The following PCDHA5 variants were observed in gnomAD, a reference collection of about 807,000 sequenced individuals.
PCDHA5 encodes the protein protocadherin alpha 5, also known as protocadherin alpha-5.
Under a neutral mutation model 61.6 loss-of-function variants are expected in PCDHA5, and 43 were observed. The observed-to-expected ratio is 0.70, with a 90% confidence interval of 0.55 to 0.90. The LOEUF (loss-of-function observed/expected upper bound fraction) is 0.90, where lower values mean the gene tolerates loss of function less well. Ranked by LOEUF, PCDHA5 falls within the 40% of genes least tolerant of loss-of-function variation. PCDHA5 has a pLI of 0.00. For synonymous variants in PCDHA5, 627 were observed against 543.9 expected (o/e 1.15, Z -2.13); for missense variants, 1,298 against 1,222.7 (o/e 1.06, Z -0.92).
intron 1 of PCDHA5, chr5:140,882,939 G>T: frequency 2.5e-6 from 4 of 1,614,164 alleles, no homozygotes; most frequent in Non-Finnish European, 3.4e-6. Context: ...GAGCTGACTG[G>T]CACAGTTCAG....
chr5:140,839,670 T>C (rs1776356207), intron 1 of PCDHA5, among the ~76,000 whole-genome samples: 1 of 152,026 alleles, frequency 6.6e-6, no homozygotes, highest in Non-Finnish European at 1.5e-5. Flanking sequence ...CTATTTAGAG[T>C]CAACTACAGA....
At chr5:140,984,597 T>TA (rs1554246418) in intron 3 of PCDHA5, among the ~76,000 whole-genome samples, 1 of 152,182 alleles carries the variant, frequency 6.6e-6, no homozygotes, top group East Asian at 1.9e-4. Flanking sequence ...TTTCAATACA[T>TA]ACCTCTGCAT....
chr5:140,968,221 T>C, intron 1 of PCDHA5: 1 of 1,613,918 alleles, frequency 6.2e-7, no homozygotes, highest in Admixed American at 1.7e-5. Context: ...ATTTGCCAGG[T>C]GTGTTGCTCT....
intron 1 of PCDHA5, among the ~76,000 whole-genome samples, chr5:140,941,192 TTTCTTTCTTCC>T (rs1330855559): frequency 1.0e-5 from 1 of 99,660 alleles, no homozygotes; most frequent in Non-Finnish European, 2.1e-5. Flanking sequence ...CTTCTTTTTT[TTTCTTTCTTCC>T]TTTCTTTCTT....
At chr5:140,877,845 TTATTAA>T in intron 1 of PCDHA5, 3 of 1,555,618 alleles carry the variant, frequency 1.9e-6, no homozygotes, top group Non-Finnish European at 2.6e-6. Context: ...GTGAAGTAAG[TTATTAA>T]TATTATTTAG....
intron 1 of PCDHA5, among the ~76,000 whole-genome samples, chr5:140,886,063 G>A (rs547299842): frequency 3.3e-5 from 5 of 152,172 alleles, no homozygotes; most frequent in East Asian, 1.9e-4. Flanking sequence ...TTACAAAAGC[G>A]TAGGGCCATA....
Position 140,895,882 on chromosome 5 carries a change from G to C in PCDHA5, c.2352+71755G>C, listed in dbSNP as rs1014874596. Among the ~76,000 whole-genome samples the C allele has an allele frequency of 5.3e-5, 8 of 152,250 alleles. No individual in the cohort carries two copies. The East Asian group carries it at 9.6e-4, about 18-fold the overall frequency. On this transcript the variant is annotated intron_variant, in intron 1 of 3. Coordinates refer to ENST00000529859, the MANE Select transcript of PCDHA5 (RefSeq NM_018908.3). ...GCTGGAGTGCAATGGCGCGATCTCGGCTCACTGCAACCTCCGCGTCCCGGG... is the reference window on the plus strand; with the variant it reads ...GCTGGAGTGCAATGGCGCGATCTCGCCTCACTGCAACCTCCGCGTCCCGGG...
At chr5:140,927,133 G>A (rs2083881073) in intron 1 of PCDHA5, 16 of 1,613,984 alleles carry the variant, frequency 9.9e-6, no homozygotes, top group Non-Finnish European at 1.4e-5. Context: ...CAGAGAGCCG[G>A]CGGACCGCGA....
At chr5:140,926,441 A>T (rs1476576189) in intron 1 of PCDHA5, 1 of 154,800 alleles carries the variant, frequency 6.5e-6, no homozygotes, top group Non-Finnish European at 1.4e-5. Context: ...AGATCTGGGC[A>T]GCCTCAGGGC....
intron 1 of PCDHA5, among the ~76,000 whole-genome samples, chr5:140,952,427 C>T (rs2094744253): frequency 6.6e-6 from 1 of 152,162 alleles, no homozygotes; most frequent in African/African-American, 2.4e-5. Flanking sequence ...CAGATTCCTA[C>T]AGCACAGGCA....
At chr5:140,988,805 C>T (rs782160959) in intron 3 of PCDHA5, 8 of 152,232 alleles carry the variant, frequency 5.3e-5, no homozygotes, top group African/African-American at 1.4e-4. Context: ...GAATTTCTTC[C>T]GTAACAGTAG....
chr5:140,988,363 C>T (rs782342714), intron 3 of PCDHA5, among the ~76,000 whole-genome samples: 25 of 152,132 alleles, frequency 1.6e-4, no homozygotes, highest in Admixed American at 4.6e-4. Context: ...CTTTTACTTT[C>T]TGGGGTTGTG....
At chr5:141,000,421 ATTT>A (rs34755515) in intron 3 of PCDHA5, among the ~76,000 whole-genome samples, 361 of 27,888 alleles carry the variant, frequency 0.013, no homozygotes, top group East Asian at 0.018. Context: ...ATATATATAT[ATTT>A]TTTTTTTTTT....
Position 140,931,736 on chromosome 5 carries a change from G to T in PCDHA5, c.2353-47213G>T, listed in dbSNP as rs550065133. On this transcript the variant is annotated intron_variant, in intron 1 of 3. Transcript: ENST00000529859. ...TAACTTCTATAAATATGGGGTATTT[G>T]TAATTCACAAAGGCATTTGTTATTT... is the stretch of plus-strand genomic sequence containing the variant. Among the ~76,000 whole-genome samples, 307 of 152,008 alleles carry T rather than the reference G, an allele frequency of 2.0e-3. 3 individuals carry two copies. The highest frequency in any genetic ancestry group is 7.2e-3 in the African/African-American group (300 of 41,524).
Position 140,821,907 on chromosome 5 carries a change from T to C in PCDHA5, c.132T>C (p.Val44=). The change falls in exon 1 of 4, where the codon GTT becomes GTC. Residue 44 remains valine (V), a synonymous_variant. Coordinates refer to ENST00000529859, the MANE Select transcript of PCDHA5 (RefSeq NM_018908.3). ...IPEEAKHGTF[V]GRIAQDLGLE... is the part of the protein sequence containing the mutation. ...AGGAAGCCAAACACGGAACCTTCGT[T>C]GGCCGCATCGCGCAGGACCTAGGGC... 6.2e-7 allele frequency: 1 copy of C among 1,614,212 alleles called. No homozygotes were observed. Among genetic ancestry groups the C allele is most frequent in the Non-Finnish European group, 8.5e-7 (1 of 1,180,036 alleles).
chr5:140,897,289 C>T (rs1027792864), intron 1 of PCDHA5, among the ~76,000 whole-genome samples: 2 of 150,912 alleles, frequency 1.3e-5, no homozygotes, highest in Non-Finnish European at 3.0e-5. Flanking sequence ...CCCATTAACT[C>T]GTCATTTAGC....
intron 3 of PCDHA5, among the ~76,000 whole-genome samples, chr5:140,993,365 A>G (rs1207264244): frequency 1.3e-5 from 2 of 151,422 alleles, no homozygotes; most frequent in Admixed American, 6.6e-5. Flanking sequence ...CACAAAAACT[A>G]CCTCCCAGCC....
intron 1 of PCDHA5, among the ~76,000 whole-genome samples, chr5:140,924,252 G>C (rs1306870811): frequency 1.3e-5 from 2 of 152,214 alleles, no homozygotes; most frequent in African/African-American, 4.8e-5. Flanking sequence ...ATCCTGGTGA[G>C]ATCTAATGAG....
chr5:140,846,112 TTAC>T (rs1780203711), intron 1 of PCDHA5, among the ~76,000 whole-genome samples: 1 of 149,772 alleles, frequency 6.7e-6, no homozygotes. Context: ...GTAGACTATC[TTAC>T]TTTGATAGTT....
Sources: gnomAD v4.1 joint callset for allele counts (sites outside exome capture counted in the v4.1 genomes callset) on GRCh38, gnomAD v4.1.1 for gene constraint, MANE v1.5 for transcripts, NCBI Gene and HGNC (gene_info 2026-07-23, HGNC 2026-07-21) for gene names.